The following PRKD1 variants were observed in gnomAD, a reference collection of about 807,000 sequenced individuals.
PRKD1 encodes serine/threonine-protein kinase D1.
In PRKD1, 63 loss-of-function variants were observed where a neutral mutation model predicts 95.9. The observed-to-expected ratio is 0.66, with a 90% CI of 0.54 to 0.81. The LOEUF (loss-of-function observed/expected upper bound fraction) is 0.81. PRKD1 is among the 30% of genes least tolerant of loss of function. The probability of loss-of-function intolerance (pLI) is 0.00; values close to 1 mark genes in which losing one functional copy is unlikely to be tolerated. For synonymous variants in PRKD1, 425 were observed against 423.1 expected (o/e 1.00, Z -0.05); for missense variants, 1,048 against 1,165.3 (o/e 0.90, Z 1.47).
intron 1 of PRKD1, among the ~76,000 whole-genome samples, chr14:29,859,736 C>T (rs1892638026): frequency 6.6e-6 from 1 of 151,800 alleles, no homozygotes; most frequent in Non-Finnish European, 1.5e-5. Context: ...AGAATTCGAA[C>T]ACAGAAAAGG....
At chr14:29,618,572 A>G (rs187923885) in intron 13 of PRKD1, among the ~76,000 whole-genome samples, 127 of 152,312 alleles carry the variant, frequency 8.3e-4, no homozygotes, top group African/African-American at 2.9e-3. Flanking sequence ...TACATTAACT[A>G]ACACCCGTCT....
intron 15 of PRKD1, 72 bp downstream of exon 15, chr14:29,598,955 G>A: frequency 8.1e-7 from 1 of 1,230,016 alleles, no homozygotes; most frequent in Non-Finnish European, 1.2e-6. Context: ...AAAATGGAAG[G>A]TGACAAGATG....
At chr14:29,654,779 G>A (rs1227959358) in intron 4 of PRKD1, among the ~76,000 whole-genome samples, 1 of 152,156 alleles carries the variant, frequency 6.6e-6, no homozygotes, top group Non-Finnish European at 1.5e-5. Context: ...TGCTGAACAT[G>A]GAGCAATGGC....
At chr14:29,686,102 TG>T (rs1271585093) in intron 2 of PRKD1, among the ~76,000 whole-genome samples, 3 of 152,244 alleles carry the variant, frequency 2.0e-5, no homozygotes, top group Non-Finnish European at 4.4e-5. Flanking sequence ...TTAATAGTTT[TG>T]TGAAAATCCT....
intron 1 of PRKD1, among the ~76,000 whole-genome samples, chr14:29,896,720 T>TA (rs34261706): frequency 0.047 from 6,252 of 134,030 alleles, 160 homozygotes; most frequent in Middle Eastern, 0.13. Context: ...ATTAAACAGT[T>TA]AAAAAAAAAA....
At chr14:29,792,282 GTTAGTT>G (rs1418741623) in intron 1 of PRKD1, among the ~76,000 whole-genome samples, 1 of 152,040 alleles carries the variant, frequency 6.6e-6, no homozygotes, top group East Asian at 1.9e-4. Flanking sequence ...TAGCACACAA[GTTAGTT>G]TTAATCTCAA....
At chr14:29,779,384 A>T (rs1312723966) in intron 1 of PRKD1, among the ~76,000 whole-genome samples, 1 of 152,184 alleles carries the variant, frequency 6.6e-6, no homozygotes, top group Middle Eastern at 3.2e-3. Flanking sequence ...ATATTTAGAA[A>T]ACCCCATCGT....
chr14:29,732,858 A>G (rs1594468417), intron 1 of PRKD1, among the ~76,000 whole-genome samples: 1 of 147,910 alleles, frequency 6.8e-6, no homozygotes, highest in East Asian at 2.0e-4. Flanking sequence ...ATTATTTTAC[A>G]GTTTTAATCT....
chr14:29,733,645 G>A (rs1406370596), intron 1 of PRKD1, among the ~76,000 whole-genome samples: 3 of 152,092 alleles, frequency 2.0e-5, no homozygotes, highest in Non-Finnish European at 4.4e-5. Flanking sequence ...GTGAAGGGAA[G>A]AACCTTTATA....
In PRKD1 at chr14:29,921,108, C is replaced by T. The variant is rs1029771526; in HGVS notation, c.264+6141G>A. ...AAAAAATGAAGTGAAATACCATTGA[C>T]ATTGCACTTGTAATTGAAAAGGAGT... On this transcript the variant is annotated intron_variant, in intron 1 of 17. Coordinates refer to ENST00000331968, the MANE Select transcript of PRKD1 (RefSeq NM_002742.3). Among the ~76,000 whole-genome samples, 4 of 152,192 alleles carry T rather than the reference C, an allele frequency of 2.6e-5. No individual in the cohort carries two copies. The South Asian group carries it at 8.3e-4, about 31-fold the overall frequency.
chr14:29,655,089 T>C (rs1881758137), intron 4 of PRKD1, among the ~76,000 whole-genome samples: 1 of 152,218 alleles, frequency 6.6e-6, no homozygotes, highest in South Asian at 2.1e-4. Flanking sequence ...CCGACTGCAA[T>C]GTGGGAGAAG....
At chr14:29,580,658 T>C (rs1892727527) in intron 16 of PRKD1, among the ~76,000 whole-genome samples, 1 of 152,100 alleles carries the variant, frequency 6.6e-6, no homozygotes, top group Admixed American at 6.6e-5. Context: ...TTTTTATTAA[T>C]CAAGTTGTAT....
intron 2 of PRKD1, among the ~76,000 whole-genome samples, chr14:29,689,693 CTT>C (rs1316080618): frequency 6.6e-6 from 1 of 152,114 alleles, no homozygotes; most frequent in African/African-American, 2.4e-5. Context: ...TTGCAGCACT[CTT>C]TACAATAGCA....
chr14:29,793,287 A>T (rs1361726879), intron 1 of PRKD1, among the ~76,000 whole-genome samples: 5 of 152,044 alleles, frequency 3.3e-5, no homozygotes, highest in Admixed American at 2.6e-4. Flanking sequence ...TTGACAAAAA[A>T]AAAATGTCCA....
chr14:29,711,965 A>G (rs921238942), intron 2 of PRKD1, among the ~76,000 whole-genome samples: 1 of 152,192 alleles, frequency 6.6e-6, no homozygotes, highest in Non-Finnish European at 1.5e-5. Flanking sequence ...CACCATTAAC[A>G]AATAGACAAA....
chr14:29,722,829 T>C (rs994079867), intron 2 of PRKD1, among the ~76,000 whole-genome samples: 1 of 152,122 alleles, frequency 6.6e-6, no homozygotes, highest in Non-Finnish European at 1.5e-5. Context: ...TGAAACTCCA[T>C]CAAAGTGTGG....
intron 1 of PRKD1, among the ~76,000 whole-genome samples, chr14:29,760,082 T>C (rs1300399718): frequency 6.6e-6 from 1 of 152,204 alleles, no homozygotes; most frequent in South Asian, 2.1e-4. Flanking sequence ...AGAATCATTG[T>C]TTACTATTTT....
chr14:29,679,192 A>G (rs533926119), intron 2 of PRKD1, among the ~76,000 whole-genome samples: 51 of 152,370 alleles, frequency 3.3e-4, no homozygotes, highest in African/African-American at 1.1e-3. Context: ...TAAGCAAAGA[A>G]TAGATTAAAC....
chr14:29,663,910 G>A, intron 3 of PRKD1, 51 bp from the exon 4 acceptor site: 3 of 1,549,804 alleles, frequency 1.9e-6, no homozygotes, highest in South Asian at 2.3e-5. Context: ...ATTAAAAAGT[G>A]ATTCCAATAT....
Sources: gnomAD v4.1 joint callset for allele counts (sites outside exome capture counted in the v4.1 genomes callset) on GRCh38, gnomAD v4.1.1 for gene constraint, MANE v1.5 for transcripts, NCBI Gene and HGNC (gene_info 2026-07-23, HGNC 2026-07-21) for gene names.